The following BTBD9 variants were observed in gnomAD, a reference collection of about 807,000 sequenced individuals.
BTBD9 encodes the protein BTB domain containing 9.
In BTBD9, 49 loss-of-function variants were observed where a neutral mutation model predicts 64.3. The observed-to-expected ratio is 0.76, with a 90% CI of 0.61 to 0.97. BTBD9 has a LOEUF of 0.97. Among genes scored for constraint, BTBD9 ranks in the 50% least tolerant of loss-of-function variants. The pLI, the probability that BTBD9 is intolerant of heterozygous loss-of-function variation, is 0.00. For missense variants in BTBD9, 598 were observed against 762.1 expected (o/e 0.78, Z 2.53); for synonymous variants, 260 against 274.7 (o/e 0.95, Z 0.53).
intron 10 of BTBD9, among the ~76,000 whole-genome samples, chr6:38,185,351 C>T (rs181285009): frequency 2.1e-4 from 32 of 152,298 alleles, no homozygotes; most frequent in Admixed American, 7.8e-4. Flanking sequence ...AGATCTAGCA[C>T]AAACTGGTGT....
At chr6:38,187,252 G>C (rs920859797) in intron 10 of BTBD9, among the ~76,000 whole-genome samples, 2 of 152,208 alleles carry the variant, frequency 1.3e-5, no homozygotes, top group African/African-American at 4.8e-5. Context: ...TAGAAGAGGA[G>C]CAGTGTCTGT....
chr6:38,414,718 C>T (rs1188149320), intron 6 of BTBD9, among the ~76,000 whole-genome samples: 1 of 152,160 alleles, frequency 6.6e-6, no homozygotes, highest in East Asian at 1.9e-4. Flanking sequence ...TGATATCACT[C>T]TTCCTTTTTT....
Position 38,621,631 on chromosome 6 carries a change from G to A in BTBD9, c.-28+18169C>T, listed in dbSNP as rs187351801. Among the ~76,000 whole-genome samples the A allele has an allele frequency of 8.5e-5, 13 of 152,300 alleles. No individual in the cohort carries two copies. In the East Asian group the frequency reaches 2.5e-3, roughly 29 times the overall value. On this transcript the variant is annotated intron_variant, in intron 1 of 10. Transcript: ENST00000481247. ...AAATGTGAACACAGATAGCAAGTAC[G>A]CTTATCTAATCCTACATGCCCATGC...
intron 9 of BTBD9, among the ~76,000 whole-genome samples, chr6:38,214,170 G>C (rs1762932067): frequency 6.6e-6 from 1 of 152,120 alleles, no homozygotes; most frequent in African/African-American, 2.4e-5. Flanking sequence ...TTCTCTCCAA[G>C]GCCCCTCACT....
At position 38,326,833 on chromosome 6, in the gene BTBD9, G is replaced by C. The variant is rs75185702; in HGVS notation, c.1264+18151C>G. On this transcript the variant is annotated intron_variant, in intron 7 of 10. Transcript: ENST00000481247. Reference sequence around the variant, plus strand: ...TACTTTCCCCACAGCCGTGGGGCCTGTCTGTACTACTGACAGTTCTGAATT... The same window carrying C: ...TACTTTCCCCACAGCCGTGGGGCCTCTCTGTACTACTGACAGTTCTGAATT... Among the ~76,000 whole-genome samples, 43 of 151,448 alleles carry C rather than the reference G, an allele frequency of 2.8e-4. No individual in the cohort carries two copies. The East Asian group carries it at 6.2e-3, about 22-fold the overall frequency.
At chr6:38,488,894 CTTTTT>C (rs66933448) in intron 6 of BTBD9, among the ~76,000 whole-genome samples, 2 of 132,802 alleles carry the variant, frequency 1.5e-5, no homozygotes, top group Non-Finnish European at 3.3e-5. Flanking sequence ...TTCCTTGCAA[CTTTTT>C]TTTTTTTTTT....
intron 6 of BTBD9, among the ~76,000 whole-genome samples, chr6:38,354,884 CAAT>C (rs1764656153): frequency 6.6e-6 from 1 of 150,820 alleles, no homozygotes; most frequent in South Asian, 2.1e-4. Context: ...GAAATGCAAA[CAAT>C]AACAGGAGAG....
intron 8 of BTBD9, among the ~76,000 whole-genome samples, chr6:38,260,170 T>C (rs543609840): frequency 1.3e-5 from 2 of 152,334 alleles, no homozygotes; most frequent in African/African-American, 4.8e-5. Flanking sequence ...GCTTCAAACA[T>C]GTAGGCTCTG....
intron 9 of BTBD9, among the ~76,000 whole-genome samples, chr6:38,200,670 T>C (rs990848258): frequency 6.6e-6 from 1 of 151,364 alleles, no homozygotes; most frequent in African/African-American, 2.4e-5. Flanking sequence ...CTAGAAGAAA[T>C]GGATAAACTC....
At chr6:38,222,474 T>C (rs938386944) in intron 9 of BTBD9, among the ~76,000 whole-genome samples, 11 of 152,022 alleles carry the variant, frequency 7.2e-5, no homozygotes, top group Admixed American at 2.6e-4. Flanking sequence ...TTAGCCAGGA[T>C]GGTCTCGATC....
intron 7 of BTBD9, among the ~76,000 whole-genome samples, chr6:38,317,249 C>G (rs912072714): frequency 2.6e-5 from 4 of 152,104 alleles, no homozygotes; most frequent in Non-Finnish European, 4.4e-5. Context: ...CCAGCCTCGG[C>G]CTCCCAAAGT....
At chr6:38,246,412 CATT>C (rs1385835875) in intron 9 of BTBD9, among the ~76,000 whole-genome samples, 6 of 152,112 alleles carry the variant, frequency 3.9e-5, no homozygotes, top group Non-Finnish European at 8.8e-5. Flanking sequence ...GATATCTCAT[CATT>C]AACACAAGGA....
chr6:38,606,102 G>C lies in BTBD9; in HGVS notation c.-27-7981C>G, dbSNP rs149886032. Among the ~76,000 whole-genome samples, 167 of 152,250 alleles carry C rather than the reference G, an allele frequency of 1.1e-3. No homozygotes were observed. In the Middle Eastern group the frequency reaches 0.014, roughly 12 times the overall value. ...CAAGTTCTTCAGCTTTTGGACTCTT[G>C]AACCTACAGCAGTGGTTTGTCAGGG... On this transcript the variant is annotated intron_variant, in intron 1 of 10. Coordinates refer to ENST00000481247, the MANE Select transcript of BTBD9 (RefSeq NM_001099272.2).
At chr6:38,533,158 C>T (rs992401604) in intron 6 of BTBD9, among the ~76,000 whole-genome samples, 4 of 151,834 alleles carry the variant, frequency 2.6e-5, no homozygotes, top group African/African-American at 9.7e-5. Context: ...CAATCTGTTG[C>T]CTACAAGAGA....
intron 6 of BTBD9, among the ~76,000 whole-genome samples, chr6:38,478,459 G>A (rs1341263371): frequency 6.6e-6 from 1 of 151,982 alleles, no homozygotes; most frequent in Admixed American, 6.5e-5. Flanking sequence ...TTTTTTTAGA[G>A]AATTACATGG....
At chr6:38,245,944 C>T (rs879307589) in intron 9 of BTBD9, among the ~76,000 whole-genome samples, 11 of 152,070 alleles carry the variant, frequency 7.2e-5, no homozygotes, top group Non-Finnish European at 1.5e-4. Flanking sequence ...AATTATTACC[C>T]TCACAGAATA....
chr6:38,310,122 G>T (rs1483618624), intron 7 of BTBD9, among the ~76,000 whole-genome samples: 1 of 152,208 alleles, frequency 6.6e-6, no homozygotes, highest in African/African-American at 2.4e-5. Context: ...AGACTGGAAT[G>T]TCGAAGAAAC....
chr6:38,600,975 C>T (rs35901431), intron 1 of BTBD9, among the ~76,000 whole-genome samples: 13,220 of 152,106 alleles, frequency 0.087, 697 homozygotes, highest in Middle Eastern at 0.18. Flanking sequence ...TATTGGCATA[C>T]ATAAATAATT....
chr6:38,374,269 GAA>G lies in BTBD9; in HGVS notation c.1155-29178_1155-29177del, dbSNP rs67469757. On this transcript the variant is annotated intron_variant, in intron 6 of 10. Coordinates refer to ENST00000481247, the MANE Select transcript of BTBD9 (RefSeq NM_001099272.2). Reference sequence around the variant, plus strand: ...GGGCGACAGAGTGAGGCCTTGTGTCGAAAAAAAAAAAAAGTATATATATATAT... The same window carrying G: ...GGGCGACAGAGTGAGGCCTTGTGTCGAAAAAAAAAAAGTATATATATATAT... Among the ~76,000 whole-genome samples the G allele has an allele frequency of 2.8e-3, 137 of 48,886 alleles. 6 individuals carry two copies. In the East Asian group the frequency reaches 0.04, roughly 14 times the overall value. The allele number at this position is 48,886 out of a possible 152,430, so 32.1% of individuals were successfully genotyped here. A position where few individuals can be genotyped will look rare whatever the true frequency, so the allele number is the denominator to read the frequency against.
Sources: gnomAD v4.1 joint callset for allele counts (sites outside exome capture counted in the v4.1 genomes callset) on GRCh38, gnomAD v4.1.1 for gene constraint, MANE v1.5 for transcripts, NCBI Gene and HGNC (gene_info 2026-07-23, HGNC 2026-07-21) for gene names.